Variants in DLG2 observed in about 807,000 individuals in gnomAD.
DLG2 encodes discs large MAGUK scaffold protein 2.
DLG2 carries 45 observed loss-of-function variants against 132.5 expected under a neutral mutation model. That is an observed-to-expected ratio of 0.34 (90% CI 0.27 to 0.44). The LOEUF is 0.44. Ranked by LOEUF, DLG2 falls within the 20% of genes least tolerant of loss-of-function variation. The pLI, the probability that DLG2 is intolerant of heterozygous loss-of-function variation, is 1.00. For missense variants in DLG2, 1,045 were observed against 1,196.9 expected (o/e 0.87, Z 1.87); for synonymous variants, 424 against 419.6 (o/e 1.01, Z -0.13).
At chr11:84,486,577 T>G (rs190026247) in intron 7 of DLG2, among the ~76,000 whole-genome samples, 147 of 152,174 alleles carry the variant, frequency 9.7e-4, no homozygotes, top group African/African-American at 3.5e-3. Flanking sequence ...CTATTGGAAA[T>G]AGGTGTGAAA....
At chr11:85,325,670 G>GA (rs2081414044) in intron 3 of DLG2, among the ~76,000 whole-genome samples, 1 of 75,168 alleles carries the variant, frequency 1.3e-5, no homozygotes, top group Admixed American at 1.4e-4. Flanking sequence ...CAAAGATGGG[G>GA]AAAAAACAGA....
At chr11:83,975,585 C>T (rs986322539) in intron 12 of DLG2, among the ~76,000 whole-genome samples, 2 of 151,770 alleles carry the variant, frequency 1.3e-5, no homozygotes, top group Non-Finnish European at 2.9e-5. Context: ...ACATACTATA[C>T]TATTACATGG....
intron 4 of DLG2, among the ~76,000 whole-genome samples, chr11:85,162,851 T>C (rs1403838874): frequency 6.6e-6 from 1 of 152,196 alleles, no homozygotes; most frequent in Non-Finnish European, 1.5e-5. Context: ...TCAACTTAAT[T>C]GGATTGAAGA....
At chr11:83,472,841 G>A in intron 22 of DLG2, 64 bp from the exon 23 acceptor site, 1 of 1,351,366 alleles carries the variant, frequency 7.4e-7, no homozygotes, top group Non-Finnish European at 1.1e-6. Context: ...GACAAGCCCT[G>A]CTCTGAAACA....
intron 6 of DLG2, among the ~76,000 whole-genome samples, chr11:85,024,025 G>T (rs1222105172): frequency 6.6e-6 from 1 of 152,022 alleles, no homozygotes; most frequent in Non-Finnish European, 1.5e-5. Context: ...TTGTCAAATC[G>T]TGAGGTGACA....
At chr11:85,123,435 T>C (rs1463465740) in intron 5 of DLG2, among the ~76,000 whole-genome samples, 1 of 152,070 alleles carries the variant, frequency 6.6e-6, no homozygotes, top group Non-Finnish European at 1.5e-5. Flanking sequence ...GTAGAAATTG[T>C]AAATAAAGGA....
chr11:83,724,476 T>TGTGAGAGAGA (rs762050933), intron 18 of DLG2, among the ~76,000 whole-genome samples: 1,502 of 118,058 alleles, frequency 0.013, 23 homozygotes, highest in Admixed American at 0.032. Flanking sequence ...TGTGTGTGTG[T>TGTGAGAGAGA]GAGAGAGAGA....
At chr11:84,194,916 A>G (rs1294506323) in intron 8 of DLG2, among the ~76,000 whole-genome samples, 17 of 151,982 alleles carry the variant, frequency 1.1e-4, no homozygotes, top group Non-Finnish European at 5.9e-5. Flanking sequence ...GCCTGCGCCC[A>G]CCCGGAACTC....
At chr11:85,096,172 G>A (rs953668223) in intron 6 of DLG2, among the ~76,000 whole-genome samples, 1 of 152,206 alleles carries the variant, frequency 6.6e-6, no homozygotes, top group Non-Finnish European at 1.5e-5. Flanking sequence ...TCAGCAGGAT[G>A]TGGGCGGGGC....
chr11:84,707,964 C>G (rs1222245261), intron 6 of DLG2, among the ~76,000 whole-genome samples: 1 of 151,804 alleles, frequency 6.6e-6, no homozygotes, highest in African/African-American at 2.4e-5. Flanking sequence ...GAGACTTTCC[C>G]TGGGCTCAGA....
intron 21 of DLG2, among the ~76,000 whole-genome samples, chr11:83,503,809 TCCTTCCA>T (rs2094567105): frequency 6.6e-6 from 1 of 152,254 alleles, no homozygotes; most frequent in South Asian, 2.1e-4. Flanking sequence ...ATAGTTTGCA[TCCTTCCA>T]CCCAATCAAG....
chr11:83,699,150 T>A (rs1238608782), intron 18 of DLG2, among the ~76,000 whole-genome samples: 1 of 152,182 alleles, frequency 6.6e-6, no homozygotes, highest in African/African-American at 2.4e-5. Context: ...TAAAGGCAGA[T>A]AGGAGCATAA....
At chr11:84,872,630 G>C (rs1041018119) in intron 6 of DLG2, among the ~76,000 whole-genome samples, 3 of 152,128 alleles carry the variant, frequency 2.0e-5, no homozygotes, top group Non-Finnish European at 4.4e-5. Context: ...AGTTGAGTTG[G>C]ATGTGCTTAG....
intron 7 of DLG2, among the ~76,000 whole-genome samples, chr11:84,434,887 T>G (rs1320336431): frequency 7.1e-6 from 1 of 140,530 alleles, no homozygotes; most frequent in Admixed American, 7.3e-5. Context: ...GTTGTTTTAT[T>G]AGAGTGTGAA....
At chr11:85,603,064 T>C (rs1189279875) in intron 2 of DLG2, among the ~76,000 whole-genome samples, 3 of 152,174 alleles carry the variant, frequency 2.0e-5, no homozygotes, top group Non-Finnish European at 2.9e-5. Flanking sequence ...ATTAGAAATA[T>C]AGAAATAAAT....
At chr11:83,796,411 T>A (rs1486711729) in intron 17 of DLG2, among the ~76,000 whole-genome samples, 1 of 152,234 alleles carries the variant, frequency 6.6e-6, no homozygotes, top group Non-Finnish European at 1.5e-5. Context: ...TCTTCTTCTA[T>A]ATGATCCTAA....
chr11:83,790,772 T>C (rs767991906), intron 17 of DLG2: 14 of 758,418 alleles, frequency 1.8e-5, no homozygotes, highest in East Asian at 2.4e-5. Context: ...GGTTCTGGTC[T>C]GCCTGACTCT....
intron 6 of DLG2, among the ~76,000 whole-genome samples, chr11:84,884,079 C>T (rs116426570): frequency 6.1e-4 from 93 of 152,206 alleles, no homozygotes; most frequent in African/African-American, 2.2e-3. Flanking sequence ...GCTACTCACA[C>T]ATGACATATA....
intron 7 of DLG2, among the ~76,000 whole-genome samples, chr11:84,486,729 T>G (rs1011059109): frequency 6.6e-6 from 1 of 152,062 alleles, no homozygotes; most frequent in East Asian, 1.9e-4. Flanking sequence ...ATCATTGGCT[T>G]AAAAAATCAG....
Sources: gnomAD v4.1 joint callset for allele counts (sites outside exome capture counted in the v4.1 genomes callset) on GRCh38, gnomAD v4.1.1 for gene constraint, MANE v1.5 for transcripts, NCBI Gene and HGNC (gene_info 2026-07-23, HGNC 2026-07-21) for gene names.